The following PTPRO variants were observed in gnomAD, a reference collection of about 807,000 sequenced individuals.
PTPRO encodes the protein receptor-type tyrosine-protein phosphatase O.
A neutral mutation model predicts 145.2 loss-of-function variants in PTPRO; 62 were observed. The ratio of observed to expected loss-of-function variants is 0.43; its 90% CI spans 0.35 to 0.53. PTPRO has a LOEUF of 0.53. Ranked by LOEUF, PTPRO falls within the 20% of genes least tolerant of loss-of-function variation. The pLI is 0.01. For missense variants in PTPRO, 1,345 were observed against 1,482.7 expected (o/e 0.91, Z 1.53); for synonymous variants, 565 against 514.7 (o/e 1.10, Z -1.32).
At chr12:15,586,144 G>T (rs1465092711) in intron 23 of PTPRO, among the ~76,000 whole-genome samples, 1 of 152,190 alleles carries the variant, frequency 6.6e-6, no homozygotes, top group Non-Finnish European at 1.5e-5. Flanking sequence ...CTGAAGCTCA[G>T]TGAGTCAAGT....
At chr12:15,355,506 C>A (rs934488287) in intron 1 of PTPRO, among the ~76,000 whole-genome samples, 1 of 145,908 alleles carries the variant, frequency 6.9e-6, no homozygotes, top group Non-Finnish European at 1.5e-5. Context: ...CTTGGTGAGG[C>A]CTTTCCTGAA....
chr12:15,360,809 CGT>C (rs1283884144), intron 1 of PTPRO, among the ~76,000 whole-genome samples: 1 of 136,938 alleles, frequency 7.3e-6, no homozygotes, highest in Non-Finnish European at 1.6e-5. Flanking sequence ...TGTATATATA[CGT>C]GTGTATATAT....
intron 2 of PTPRO, among the ~76,000 whole-genome samples, chr12:15,488,490 T>G (rs1247141253): frequency 6.6e-6 from 1 of 152,214 alleles, no homozygotes; most frequent in Non-Finnish European, 1.5e-5. Flanking sequence ...ATGATGTGTT[T>G]TTGCCATCTT....
chr12:15,508,906 A>T, intron 7 of PTPRO, 139 bp downstream of exon 7: 3 of 841,392 alleles, frequency 3.6e-6, no homozygotes, highest in Non-Finnish European at 3.9e-6. Context: ...CCCAAGAGCC[A>T]GAGGGGCCAG....
chr12:15,518,009 G>T (rs548611699), intron 9 of PTPRO, among the ~76,000 whole-genome samples: 81 of 5,160 alleles, frequency 0.016, no homozygotes, highest in Non-Finnish European at 0.023. Flanking sequence ...GCAGTCTCCA[G>T]CCCCACATTT....
chr12:15,523,889 C>T (rs78829478), intron 10 of PTPRO, among the ~76,000 whole-genome samples: 1 of 151,974 alleles, frequency 6.6e-6, no homozygotes, highest in Non-Finnish European at 1.5e-5. Flanking sequence ...CCTGGATCTC[C>T]TGGGCTCAAA....
intron 1 of PTPRO, among the ~76,000 whole-genome samples, chr12:15,372,656 T>C (rs1012758771): frequency 2.0e-5 from 3 of 152,148 alleles, no homozygotes; most frequent in African/African-American, 7.2e-5. Context: ...GCAAGTGAAA[T>C]ACCACGCAAG....
intron 1 of PTPRO, among the ~76,000 whole-genome samples, chr12:15,359,366 A>G (rs1418147785): frequency 6.6e-6 from 1 of 150,586 alleles, no homozygotes; most frequent in Non-Finnish European, 1.5e-5. Context: ...ATTCATTTTC[A>G]GATATTATAA....
At chr12:15,386,665 A>G (rs1481484915) in intron 1 of PTPRO, among the ~76,000 whole-genome samples, 1 of 152,208 alleles carries the variant, frequency 6.6e-6, no homozygotes, top group Non-Finnish European at 1.5e-5. Flanking sequence ...TTTCCATATA[A>G]AGGTGAAAAA....
At chr12:15,551,157 TA>T (rs747021475) in intron 14 of PTPRO, among the ~76,000 whole-genome samples, 30 of 152,152 alleles carry the variant, frequency 2.0e-4, no homozygotes, top group Non-Finnish European at 3.7e-4. Flanking sequence ...ATCATGGGCG[TA>T]AAATAAGAGG....
intron 12 of PTPRO, among the ~76,000 whole-genome samples, chr12:15,536,180 G>A (rs1041503092): frequency 6.6e-6 from 1 of 152,124 alleles, no homozygotes; most frequent in South Asian, 2.1e-4. Flanking sequence ...TCATTCTAAT[G>A]GAGAAAAGGA....
chr12:15,397,200 A>G (rs986857843), intron 1 of PTPRO, among the ~76,000 whole-genome samples: 1 of 152,194 alleles, frequency 6.6e-6, no homozygotes, highest in Non-Finnish European at 1.5e-5. Context: ...AGCCACCAAG[A>G]TCTAAGTAAC....
In PTPRO at chr12:15,447,676, C is replaced by G. The variant is rs73059029; in HGVS notation, c.76-36298C>G. ...TTGAATTTGCCACAATCCTATGCCC[C>G]ATAGCTATGACTTTTCACCAAAAAG... On this transcript the variant is annotated intron_variant, in intron 1 of 26. Coordinates refer to ENST00000281171, the MANE Select transcript of PTPRO (RefSeq NM_030667.3). Among the ~76,000 whole-genome samples the G allele has an allele frequency of 7.1e-3, 1,088 of 152,256 alleles. 9 individuals are homozygous for G. The highest frequency in any genetic ancestry group is 0.012 in the Admixed American group (181 of 15,288).
At chr12:15,482,656 T>C (rs1416212730) in intron 1 of PTPRO, among the ~76,000 whole-genome samples, 1 of 152,160 alleles carries the variant, frequency 6.6e-6, no homozygotes, top group Non-Finnish European at 1.5e-5. Context: ...AAAGTTGTTA[T>C]GTGTCAATTA....
intron 1 of PTPRO, among the ~76,000 whole-genome samples, chr12:15,353,260 C>CTTTTTG (rs1937871325): frequency 6.6e-6 from 1 of 151,960 alleles, no homozygotes; most frequent in Non-Finnish European, 1.5e-5. Flanking sequence ...TCAAAAAGTT[C>CTTTTTG]AAGGACAAAT....
At chr12:15,524,997 C>T (rs1942808467) in intron 11 of PTPRO, 32 bp downstream of exon 11, 1 of 1,610,764 alleles carries the variant, frequency 6.2e-7, no homozygotes, top group Non-Finnish European at 8.5e-7. Flanking sequence ...CATTGTGTGT[C>T]TGTAAATTTA....
chr12:15,582,713 TG>T (rs1323479623), intron 23 of PTPRO, among the ~76,000 whole-genome samples: 4 of 152,234 alleles, frequency 2.6e-5, no homozygotes, highest in African/African-American at 7.2e-5. Flanking sequence ...GGTTTTGTTT[TG>T]TTTTTTTTCT....
At chr12:15,408,742 C>T (rs1939713953) in intron 1 of PTPRO, among the ~76,000 whole-genome samples, 1 of 152,124 alleles carries the variant, frequency 6.6e-6, no homozygotes, top group African/African-American at 2.4e-5. Context: ...GTCAAAGTTT[C>T]TGTGTCAATG....
chr12:15,477,407 T>C (rs1366561745), intron 1 of PTPRO, among the ~76,000 whole-genome samples: 1 of 143,944 alleles, frequency 6.9e-6, no homozygotes, highest in Non-Finnish European at 1.5e-5. Context: ...TGCTAGATGA[T>C]GAGTTAGTGG....
Sources: gnomAD v4.1 joint callset for allele counts (sites outside exome capture counted in the v4.1 genomes callset) on GRCh38, gnomAD v4.1.1 for gene constraint, MANE v1.5 for transcripts, NCBI Gene and HGNC (gene_info 2026-07-23, HGNC 2026-07-21) for gene names.